FREM1: variants seen among roughly 807,000 people sequenced by gnomAD.
The protein encoded by FREM1 is FRAS1-related extracellular matrix protein 1.
A neutral mutation model predicts 210.1 loss-of-function variants in FREM1; 220 were observed. The observed-to-expected ratio is 1.05, with a 90% CI of 0.94 to 1.17. The LOEUF (loss-of-function observed/expected upper bound fraction) is 1.17, where lower values mean the gene tolerates loss of function less well. FREM1 is among the 50% of genes most tolerant of loss of function. The pLI is 0.00. For missense variants in FREM1, 3,454 were observed against 2,675.5 expected, an observed-to-expected ratio of 1.29 and a Z score of -6.42; for synonymous variants, 1,189 against 980.2, an observed-to-expected ratio of 1.21 and a Z score of -3.98.
intron 20 of FREM1, among the ~76,000 whole-genome samples, chr9:14,799,344 A>T (rs1853082689): frequency 6.6e-6 from 1 of 152,128 alleles, no homozygotes; most frequent in South Asian, 2.1e-4. Flanking sequence ...AGTTTTATAA[A>T]CTTTGTATAT....
intron 25 of FREM1, 69 bp downstream of exon 25, chr9:14,775,720 A>C: frequency 1.2e-6 from 1 of 821,988 alleles, no homozygotes; most frequent in Non-Finnish European, 1.8e-6. Flanking sequence ...AAAAAAAAAA[A>C]AAAAAAAAAA....
rs553246905 is a variant in FREM1, at chr9:14,848,563, C to T, written c.1261+102G>A. On this transcript the variant is annotated intron_variant, in intron 7 of 36. Coordinates refer to ENST00000380880, the MANE Select transcript of FREM1 (RefSeq NM_001379081.2). The stretch of plus-strand genomic sequence containing the variant: ...TAATCTGTCTGGGTTTCAGTTGCCA[C>T]ATGTATGACATAGGAATAAAACTAC... 5.5e-6 allele frequency: 3 copies of T among 547,750 alleles called. No individual in the cohort carries two copies. The East Asian group carries it at 8.7e-5, about 16-fold the overall frequency. 33.9% of individuals were successfully genotyped at this position (547,750 alleles called of 1,614,324 possible).
At chr9:14,748,974 G>A (rs1278296809) in intron 30 of FREM1, among the ~76,000 whole-genome samples, 1 of 152,176 alleles carries the variant, frequency 6.6e-6, no homozygotes, top group African/African-American at 2.4e-5. Context: ...CAACATAAAA[G>A]TTTATTCACT....
At chr9:14,894,304 A>G (rs189607161) in intron 1 of FREM1, among the ~76,000 whole-genome samples, 476 of 152,360 alleles carry the variant, frequency 3.1e-3, no homozygotes, top group Middle Eastern at 0.01. Context: ...AAATTGTTGT[A>G]TGCCACAGAA....
chr9:14,836,133 A>G lies in FREM1; in HGVS notation c.1881+5314T>C, dbSNP rs1384583623. Among the ~76,000 whole-genome samples the G allele has an allele frequency of 1.3e-5, 2 of 152,204 alleles. No individual in the cohort carries two copies. The highest frequency in any genetic ancestry group is 1.3e-4 in the Admixed American group (2 of 15,282). On this transcript the variant is annotated intron_variant, in intron 10 of 36. Coordinates refer to ENST00000380880, the MANE Select transcript of FREM1 (RefSeq NM_001379081.2). This position sits in a 1 kb window ranked among gnomAD's most constrained non-coding sequence, Gnocchi z 4.9. ...AACCAAGGAACTTCATAGACCCCCAAAGGGGAGTTCTCTATCTTGGCAAGT... is the reference window on the plus strand; with the variant it reads ...AACCAAGGAACTTCATAGACCCCCAGAGGGGAGTTCTCTATCTTGGCAAGT...
chr9:14,777,118 T>C (rs1411094414), intron 24 of FREM1, among the ~76,000 whole-genome samples: 1 of 152,198 alleles, frequency 6.6e-6, no homozygotes, highest in Non-Finnish European at 1.5e-5. Flanking sequence ...TTGTGGTGCC[T>C]GAGCACCATT....
At chr9:14,903,918 A>G (rs999686277) in intron 1 of FREM1, among the ~76,000 whole-genome samples, 2 of 151,936 alleles carry the variant, frequency 1.3e-5, no homozygotes, top group Non-Finnish European at 1.5e-5. Context: ...TCAGGAGATC[A>G]AGACCATCCT....
Position 14,822,895 on chromosome 9 carries a change from G to A in FREM1, c.2337+265C>T, listed in dbSNP as rs779322364. 4.5e-4 allele frequency among the ~76,000 whole-genome samples: 69 copies of A among 152,220 alleles called. 1 individual carries two copies. Among genetic ancestry groups the A allele is most frequent in the Admixed American group, 1.9e-3 (29 of 15,286 alleles). On this transcript the variant is annotated intron_variant, in intron 13 of 36. Coordinates refer to ENST00000380880, the MANE Select transcript of FREM1 (RefSeq NM_001379081.2). ...ACGTGAAACTCAGCAGAAAGAAGAG[G>A]AAGTGAAAAAGAATTTGATAAAGCT...
At chr9:14,798,678 TAAC>T (rs1852907135) in intron 20 of FREM1, among the ~76,000 whole-genome samples, 1 of 151,832 alleles carries the variant, frequency 6.6e-6, no homozygotes, top group African/African-American at 2.4e-5. Flanking sequence ...TTTTTAATAA[TAAC>T]AATTTTTTTT....
intron 19 of FREM1, 86 bp downstream of exon 19, chr9:14,804,870 T>A (rs1341077577): frequency 1.0e-5 from 10 of 956,398 alleles, no homozygotes; most frequent in Non-Finnish European, 1.6e-5. Context: ...AATGTGTTAA[T>A]GCACTTGGAG....
chr9:14,807,904 A>T (rs1363514532), intron 17 of FREM1, 36 bp downstream of exon 17: 1 of 1,469,488 alleles, frequency 6.8e-7, no homozygotes, highest in Admixed American at 1.7e-5. Context: ...ACACTAGGTC[A>T]GACAATAGTA....
intron 35 of FREM1, among the ~76,000 whole-genome samples, chr9:14,746,097 G>C (rs1842374218): frequency 6.6e-6 from 1 of 152,122 alleles, no homozygotes; most frequent in African/African-American, 2.4e-5. Flanking sequence ...ACAGAAAAGA[G>C]CTCAGTCAAA....
intron 4 of FREM1, among the ~76,000 whole-genome samples, chr9:14,858,336 T>G (rs1349284286): frequency 1.3e-5 from 2 of 152,154 alleles, no homozygotes; most frequent in African/African-American, 4.8e-5. Context: ...CCACTCTTGT[T>G]TAGTATATAA....
At chr9:14,850,752 G>T (rs1827564671) in intron 6 of FREM1, among the ~76,000 whole-genome samples, 1 of 152,122 alleles carries the variant, frequency 6.6e-6, no homozygotes, top group African/African-American at 2.4e-5. Context: ...AAAAATAAAA[G>T]AATTGTAAAC....
In FREM1 at chr9:14,801,699, T is replaced by C. The variant is rs759605615; in HGVS notation, c.3647A>G (p.Gln1216Arg). 1.1e-5 allele frequency: 18 copies of C among 1,614,002 alleles called. No homozygotes were observed. The highest frequency in any genetic ancestry group is 1.5e-5 in the Non-Finnish European group (18 of 1,179,866). The change falls in exon 20 of 37, where the codon CAG becomes CGG. Residue 1216 changes from glutamine to arginine, a missense_variant. Coordinates refer to ENST00000380880, the MANE Select transcript of FREM1 (RefSeq NM_001379081.2). Reference protein sequence around the residue: ...SENKQPANPHQKHAPVHSFSM... With the variant: ...SENKQPANPHRKHAPVHSFSM... ...AAAGCTGTGAACAGGTGCATGTTTC[T>C]GGTGAGGGTTGGCTGGCTGCTTATT...
At chr9:14,780,892 C>T (rs1440476866) in intron 24 of FREM1, among the ~76,000 whole-genome samples, 2 of 152,212 alleles carry the variant, frequency 1.3e-5, no homozygotes, top group African/African-American at 4.8e-5. Flanking sequence ...TGACAAACAA[C>T]ATAGCAGTCC....
intron 9 of FREM1, among the ~76,000 whole-genome samples, chr9:14,841,791 T>C (rs1825739531): frequency 6.6e-6 from 1 of 152,250 alleles, no homozygotes; most frequent in African/African-American, 2.4e-5. Context: ...AAAGTCACTA[T>C]ATCTGTCTTG....
At chr9:14,896,873 A>T (rs564336536) in intron 1 of FREM1, among the ~76,000 whole-genome samples, 2 of 152,340 alleles carry the variant, frequency 1.3e-5, no homozygotes, top group East Asian at 3.9e-4. Context: ...CATTCAGAAA[A>T]CTATTCAGCA....
At chr9:14,808,170 A>T in intron 16 of FREM1, 36 bp from the exon 17 acceptor site, 1 of 1,398,880 alleles carries the variant, frequency 7.1e-7, no homozygotes, top group Non-Finnish European at 9.7e-7. Flanking sequence ...CCTGCCTTTT[A>T]AAAAATATAG....
Sources: gnomAD v4.1 joint callset for allele counts (sites outside exome capture counted in the v4.1 genomes callset) on GRCh38, gnomAD v4.1.1 for gene constraint, Gnocchi (gnomAD v3.1) non-coding constraint, MANE v1.5 for transcripts, NCBI Gene and HGNC (gene_info 2026-07-23, HGNC 2026-07-21) for gene names.